The following SDK1 variants were observed in gnomAD, a reference collection of about 807,000 sequenced individuals.
The protein encoded by SDK1 is protein sidekick-1.
A neutral mutation model predicts 245.5 loss-of-function variants in SDK1; 157 were observed. The observed-to-expected ratio is 0.64, with a 90% confidence interval of 0.56 to 0.73. The LOEUF (loss-of-function observed/expected upper bound fraction) is 0.73, where lower values mean the gene tolerates loss of function less well. SDK1 is among the 30% of genes least tolerant of loss of function. The pLI, the probability that SDK1 is intolerant of heterozygous loss-of-function variation, is 0.00. For synonymous variants in SDK1, 1,647 were observed against 1,278.5 expected, an observed-to-expected ratio of 1.29 and a Z score of -6.15; for missense variants, 3,583 against 3,002.3, an observed-to-expected ratio of 1.19 and a Z score of -4.52.
At chr7:3,600,583 C>CT (rs1781224273) in intron 1 of SDK1, among the ~76,000 whole-genome samples, 1 of 122,382 alleles carries the variant, frequency 8.2e-6, no homozygotes, top group African/African-American at 3.3e-5. Flanking sequence ...GAGATGGAGT[C>CT]TCGCCCTGTT....
chr7:4,141,688 G>A (rs181287928), intron 28 of SDK1, among the ~76,000 whole-genome samples: 13 of 152,316 alleles, frequency 8.5e-5, no homozygotes, highest in African/African-American at 3.1e-4. Flanking sequence ...CTCGTTAGTC[G>A]TCTGTCGGGG....
At chr7:3,567,047 C>T (rs961420168) in intron 1 of SDK1, among the ~76,000 whole-genome samples, 1 of 152,088 alleles carries the variant, frequency 6.6e-6, no homozygotes, top group Non-Finnish European at 1.5e-5. Context: ...TTTATTTTCC[C>T]GGGTACGCAT....
intron 1 of SDK1, among the ~76,000 whole-genome samples, chr7:3,378,051 T>TTC (rs1283895849): frequency 6.6e-6 from 1 of 152,172 alleles, no homozygotes; most frequent in African/African-American, 2.4e-5. Context: ...AGTGCTGGGA[T>TTC]TACAGGCATG....
At chr7:3,607,200 G>T (rs934038285) in intron 1 of SDK1, among the ~76,000 whole-genome samples, 1 of 151,696 alleles carries the variant, frequency 6.6e-6, no homozygotes, top group Non-Finnish European at 1.5e-5. Flanking sequence ...TGCTGCTGCT[G>T]ATCATTTCCT....
intron 4 of SDK1, among the ~76,000 whole-genome samples, chr7:3,804,759 A>T (rs890306576): frequency 6.6e-6 from 1 of 152,334 alleles, no homozygotes; most frequent in African/African-American, 2.4e-5. Flanking sequence ...AGTTTTCAGC[A>T]TACAAGTTCT....
chr7:3,540,629 A>G (rs892520924), intron 1 of SDK1, among the ~76,000 whole-genome samples: 19 of 152,236 alleles, frequency 1.2e-4, no homozygotes, highest in African/African-American at 4.3e-4. Flanking sequence ...TGAATTGCTT[A>G]TGAATGCAGG....
rs888892894 is a variant in SDK1, at chr7:4,266,821, C to G, written c.*1437C>G. 2 of 985,376 alleles carry G rather than the reference C, an allele frequency of 2.0e-6. No homozygotes were observed. The highest frequency in any genetic ancestry group is 3.5e-5 in the African/African-American group (2 of 57,186). 61.0% of individuals were successfully genotyped at this position (985,376 alleles called of 1,614,324 possible). On this transcript the variant is annotated 3_prime_UTR_variant, in exon 45 of 45. Transcript: ENST00000404826. ...CGGGTCCCTGTAAGTGCCCCCTCAC[C>G]AGCAGCAGCGTGACACACACAAGAC...
intron 4 of SDK1, among the ~76,000 whole-genome samples, chr7:3,666,017 C>T (rs542804659): frequency 1.3e-5 from 2 of 152,282 alleles, no homozygotes; most frequent in East Asian, 3.9e-4. Context: ...TTCCTGCCAC[C>T]ACCTTTGTTC....
chr7:3,938,245 C>T (rs1029981228), intron 5 of SDK1, among the ~76,000 whole-genome samples: 1 of 152,134 alleles, frequency 6.6e-6, no homozygotes, highest in Non-Finnish European at 1.5e-5. Context: ...AGACAAATAC[C>T]CTCTTACCCC....
intron 1 of SDK1, among the ~76,000 whole-genome samples, chr7:3,346,741 G>GTA (rs1242719001): frequency 1.7e-5 from 2 of 117,896 alleles, no homozygotes. Flanking sequence ...ATATATACAC[G>GTA]TATATATATG....
At chr7:3,514,870 G>A (rs922754236) in intron 1 of SDK1, among the ~76,000 whole-genome samples, 10 of 152,158 alleles carry the variant, frequency 6.6e-5, no homozygotes, top group African/African-American at 2.2e-4. Context: ...GCGTGCATGC[G>A]TGCATGCGTG....
At position 3,619,139 on chromosome 7, in the gene SDK1, A is replaced by G; in HGVS notation, c.358A>G (p.Asn120Asp). The G allele has an allele frequency of 6.2e-7, 1 of 1,613,998 alleles. No individual in the cohort carries two copies. Among genetic ancestry groups the G allele is most frequent in the Non-Finnish European group, 8.5e-7 (1 of 1,179,884 alleles). Residue 120 changes from asparagine (N) to aspartate (D), a missense_variant, in exon 2 of 45, where the codon AAC becomes GAC. Coordinates refer to ENST00000404826, the MANE Select transcript of SDK1 (RefSeq NM_152744.4). Reference protein sequence around the residue: ...PGLPQIHLEGNRLVLTCLAEG... With the variant: ...PGLPQIHLEGDRLVLTCLAEG... ...CCTACCACAGATCCACCTGGAAGGGAACCGCCTTGTTCTCACCTGCCTTGC... is the reference window on the plus strand; with the variant it reads ...CCTACCACAGATCCACCTGGAAGGGGACCGCCTTGTTCTCACCTGCCTTGC...
rs1785906846 is a variant in SDK1 at position 4,011,033 on chromosome 7, G to C, written c.2199G>C (p.Leu733=). Residue 733 remains leucine, a synonymous_variant, in exon 15 of 45, where the codon CTG becomes CTC. Transcript: ENST00000404826. Reference sequence around the variant, plus strand: ...TGACAGGCGTCACCGTGAGTGGCCTGACTCCGGCTCGTACCTATCAATTCC... The same window carrying C: ...TGACAGGCGTCACCGTGAGTGGCCTCACTCCGGCTCGTACCTATCAATTCC... The part of the protein sequence containing the change: ...PEMTGVTVSG[L]TPARTYQFRV... The C allele has an allele frequency of 1.2e-6, 2 of 1,614,112 alleles. No homozygotes were observed. Among genetic ancestry groups the C allele is most frequent in the South Asian group, 2.2e-5 (2 of 91,082 alleles).
intron 1 of SDK1, among the ~76,000 whole-genome samples, chr7:3,478,526 TA>T (rs1357402417): frequency 1.3e-5 from 2 of 152,164 alleles, no homozygotes; most frequent in Admixed American, 1.3e-4. Flanking sequence ...ACTTTATTTT[TA>T]AAGTTGCATA....
At chr7:3,713,416 GGA>G (rs1208971169) in intron 4 of SDK1, among the ~76,000 whole-genome samples, 1 of 152,154 alleles carries the variant, frequency 6.6e-6, no homozygotes, top group Non-Finnish European at 1.5e-5. Context: ...AAAGAAAGGT[GGA>G]GAGAGGGGAA....
chr7:4,159,595 C>T (rs1187863998), intron 31 of SDK1, among the ~76,000 whole-genome samples: 1 of 152,316 alleles, frequency 6.6e-6, no homozygotes, highest in East Asian at 1.9e-4. Flanking sequence ...TTGGGGAAAG[C>T]CAGTGAGAAA....
At chr7:3,734,403 C>A (rs1295548616) in intron 4 of SDK1, among the ~76,000 whole-genome samples, 2 of 152,140 alleles carry the variant, frequency 1.3e-5, no homozygotes. Flanking sequence ...ACTTCTACCC[C>A]AAATTAATAA....
chr7:4,146,676 C>T (rs778540579), intron 29 of SDK1, among the ~76,000 whole-genome samples: 6 of 152,240 alleles, frequency 3.9e-5, no homozygotes, highest in East Asian at 3.8e-4. Flanking sequence ...CCACGTCCTC[C>T]GTAGAGCAGG....
At chr7:3,526,095 G>A (rs1378802774) in intron 1 of SDK1, among the ~76,000 whole-genome samples, 1 of 152,048 alleles carries the variant, frequency 6.6e-6, no homozygotes, top group Non-Finnish European at 1.5e-5. Context: ...TTAGCGGGGT[G>A]TGATGGTGCA....
Sources: allele counts gnomAD v4.1 joint callset (sites outside exome capture counted in the v4.1 genomes callset), GRCh38; gene constraint gnomAD v4.1.1; transcripts MANE v1.5; gene names NCBI Gene and HGNC (gene_info 2026-07-23, HGNC 2026-07-21).